Variants in TMEM229B observed in about 807,000 individuals in gnomAD.
TMEM229B encodes transmembrane protein 229B.
A neutral mutation model predicts 13.7 loss-of-function variants in TMEM229B; 6 were observed. That is an observed-to-expected ratio of 0.44 (90% confidence interval 0.24 to 0.86). The LOEUF (loss-of-function observed/expected upper bound fraction) is 0.86, where lower values mean the gene tolerates loss of function less well. Among genes scored for constraint, TMEM229B ranks in the 40% least tolerant of loss-of-function variants. The pLI is 0.23. For missense variants in TMEM229B, 170 were observed against 236.0 expected (o/e 0.72, Z 1.83); for synonymous variants, 107 against 102.1 (o/e 1.05, Z -0.29).
chr14:67,494,062 C>T (rs1346287407), intron 1 of TMEM229B, among the ~76,000 whole-genome samples: 3 of 152,044 alleles, frequency 2.0e-5, no homozygotes, highest in Non-Finnish European at 4.4e-5. Flanking sequence ...CCACACCAGG[C>T]ACCTCCACCA....
chr14:67,531,437 C>T (rs968764907), intron 1 of TMEM229B, among the ~76,000 whole-genome samples: 1 of 152,066 alleles, frequency 6.6e-6, no homozygotes, highest in African/African-American at 2.4e-5. Context: ...GGGTCCTGCT[C>T]AGAGTTGGGC....
At chr14:67,498,889 G>A (rs1305748065) in intron 1 of TMEM229B, among the ~76,000 whole-genome samples, 1 of 152,060 alleles carries the variant, frequency 6.6e-6, no homozygotes, top group Non-Finnish European at 1.5e-5. Flanking sequence ...GGCTGGTCTT[G>A]AACTCCTGAC....
intron 1 of TMEM229B, among the ~76,000 whole-genome samples, chr14:67,507,354 TAAACAA>T (rs36219286): frequency 0.014 from 2,077 of 151,780 alleles, 58 homozygotes; most frequent in African/African-American, 0.048. Flanking sequence ...GTCTCTAAAA[TAAACAA>T]AAACAAAAAC....
chr14:67,521,466 G>T (rs569524516), intron 1 of TMEM229B, among the ~76,000 whole-genome samples: 1 of 152,316 alleles, frequency 6.6e-6, no homozygotes, highest in East Asian at 1.9e-4. Flanking sequence ...ATATGTCCAT[G>T]TGGGAAAGGG....
At chr14:67,478,292 A>G (rs1255169529) in intron 2 of TMEM229B, among the ~76,000 whole-genome samples, 1 of 152,214 alleles carries the variant, frequency 6.6e-6, no homozygotes, top group African/African-American at 2.4e-5. Context: ...CATGCCCACC[A>G]TCATCCCACT....
intron 2 of TMEM229B, among the ~76,000 whole-genome samples, chr14:67,475,584 A>T (rs2031135728): frequency 6.6e-6 from 1 of 152,132 alleles, no homozygotes; most frequent in South Asian, 2.1e-4. Context: ...TATAATGGCC[A>T]TCCTAATGGG....
At chr14:67,478,112 A>G (rs2031339434) in intron 2 of TMEM229B, among the ~76,000 whole-genome samples, 1 of 152,232 alleles carries the variant, frequency 6.6e-6, no homozygotes. Context: ...TACAGCTCAC[A>G]TGTCTGTGGT....
chr14:67,509,292 A>G (rs553050660), intron 1 of TMEM229B, among the ~76,000 whole-genome samples: 2 of 151,254 alleles, frequency 1.3e-5, no homozygotes, highest in South Asian at 2.1e-4. Flanking sequence ...GTCTCCTTTT[A>G]ACTAGTTGTG....
At chr14:67,525,572 C>A (rs759348681) in intron 1 of TMEM229B, among the ~76,000 whole-genome samples, 6 of 152,172 alleles carry the variant, frequency 3.9e-5, no homozygotes, top group Non-Finnish European at 8.8e-5. Flanking sequence ...GAAGAAAGGA[C>A]GCAAGAATCA....
At chr14:67,498,619 G>A (rs1238697091) in intron 1 of TMEM229B, among the ~76,000 whole-genome samples, 1 of 152,174 alleles carries the variant, frequency 6.6e-6, no homozygotes, top group African/African-American at 2.4e-5. Context: ...GAATTAGGGT[G>A]GCTTCAAGTG....
At chr14:67,481,593 T>C (rs1342613449) in intron 2 of TMEM229B, among the ~76,000 whole-genome samples, 3 of 152,124 alleles carry the variant, frequency 2.0e-5, no homozygotes, top group African/African-American at 7.2e-5. Context: ...ATGATAATAT[T>C]AGAGGCTGGG....
intron 1 of TMEM229B, among the ~76,000 whole-genome samples, chr14:67,496,174 G>C (rs1299651064): frequency 2.6e-5 from 4 of 152,216 alleles, no homozygotes; most frequent in Non-Finnish European, 5.9e-5. Context: ...GGGTGACAGA[G>C]TGTGACCCTA....
At chr14:67,501,546 T>A (rs779226614) in intron 1 of TMEM229B, among the ~76,000 whole-genome samples, 1 of 152,136 alleles carries the variant, frequency 6.6e-6, no homozygotes, top group Non-Finnish European at 1.5e-5. Flanking sequence ...AATGATATTT[T>A]AAAAAATCAA....
intron 2 of TMEM229B, 110 bp from the exon 3 acceptor site, chr14:67,474,051 A>C (rs2030996117): frequency 8.1e-7 from 1 of 1,233,586 alleles, no homozygotes; most frequent in Non-Finnish European, 1.1e-6. Flanking sequence ...CAGGAGTTCC[A>C]AACCAGCCTG....
chr14:67,483,376 A>G (rs2031698972), intron 2 of TMEM229B, among the ~76,000 whole-genome samples: 1 of 152,170 alleles, frequency 6.6e-6, no homozygotes, highest in South Asian at 2.1e-4. Flanking sequence ...CTGGTTCCAG[A>G]GTCTTTGCTC....
intron 1 of TMEM229B, among the ~76,000 whole-genome samples, chr14:67,507,550 G>A (rs1248799737): frequency 6.6e-6 from 1 of 152,016 alleles, no homozygotes; most frequent in African/African-American, 2.4e-5. Flanking sequence ...CCAGGCTTAA[G>A]TGATCCTCCC....
chr14:67,523,253 G>A (rs1024310586), intron 1 of TMEM229B, among the ~76,000 whole-genome samples: 1 of 151,782 alleles, frequency 6.6e-6, no homozygotes, highest in Admixed American at 6.6e-5. Flanking sequence ...GAATCCAGGA[G>A]GCTGAGGTTG....
upstream of TMEM229B, among the ~76,000 whole-genome samples, chr14:67,493,501 G>C (rs1337657833): frequency 6.6e-6 from 1 of 152,178 alleles, no homozygotes; most frequent in East Asian, 1.9e-4. Context: ...ACTGACACAG[G>C]CCGCACCCTT....
At chr14:67,505,261 A>G (rs1280350042) in intron 1 of TMEM229B, among the ~76,000 whole-genome samples, 3 of 152,142 alleles carry the variant, frequency 2.0e-5, no homozygotes, top group African/African-American at 4.8e-5. Context: ...GGTTGCTGTT[A>G]GTGTGCTGTG....
Sources: allele counts gnomAD v4.1 joint callset (sites outside exome capture counted in the v4.1 genomes callset), GRCh38; gene constraint gnomAD v4.1.1; transcripts MANE v1.5; gene names NCBI Gene and HGNC (gene_info 2026-07-23, HGNC 2026-07-21).